ADK: variants seen among roughly 807,000 people sequenced by gnomAD.
The protein encoded by ADK is N6,N6-dimethyladenosine kinase.
Under a neutral mutation model 44.7 loss-of-function variants are expected in ADK, and 24 were observed. The ratio of observed to expected loss-of-function variants is 0.54; its 90% CI spans 0.39 to 0.76. The LOEUF (loss-of-function observed/expected upper bound fraction) is 0.76, where lower values mean the gene tolerates loss of function less well. Ranked by LOEUF, ADK falls within the 30% of genes least tolerant of loss-of-function variation. The probability of loss-of-function intolerance (pLI) is 0.00; values close to 1 mark genes in which losing one functional copy is unlikely to be tolerated. For missense variants in ADK, 321 were observed against 425.1 expected (o/e 0.76, Z 2.15); for synonymous variants, 128 against 142.6 (o/e 0.90, Z 0.73).
intron 6 of ADK, among the ~76,000 whole-genome samples, chr10:74,435,099 G>T (rs1845136770): frequency 6.6e-6 from 1 of 152,122 alleles, no homozygotes; most frequent in African/African-American, 2.4e-5. Flanking sequence ...AAGACTGTTG[G>T]GTGAGAGGGA....
chr10:74,275,146 T>A (rs751256668), intron 3 of ADK, among the ~76,000 whole-genome samples: 10 of 152,130 alleles, frequency 6.6e-5, no homozygotes, highest in Non-Finnish European at 1.2e-4. Flanking sequence ...GAAGTCTTTC[T>A]GGGCAGTAAT....
At chr10:74,392,413 G>A (rs970771157) in intron 4 of ADK, among the ~76,000 whole-genome samples, 2 of 152,104 alleles carry the variant, frequency 1.3e-5, no homozygotes, top group African/African-American at 4.8e-5. Flanking sequence ...GATTACTGAT[G>A]TTGAACATCT....
intron 6 of ADK, among the ~76,000 whole-genome samples, chr10:74,437,991 T>A (rs1013974865): frequency 1.3e-5 from 2 of 152,186 alleles, no homozygotes; most frequent in African/African-American, 4.8e-5. Flanking sequence ...GACTCATGTA[T>A]AACCTTCAAC....
chr10:74,338,438 T>C (rs948140149), intron 4 of ADK, among the ~76,000 whole-genome samples: 2 of 152,266 alleles, frequency 1.3e-5, no homozygotes, highest in East Asian at 1.9e-4. Context: ...AAAATGGAAA[T>C]TTATGTATAT....
At chr10:74,517,756 TAGAC>T (rs1165211162) in intron 6 of ADK, among the ~76,000 whole-genome samples, 1 of 151,784 alleles carries the variant, frequency 6.6e-6, no homozygotes, top group Non-Finnish European at 1.5e-5. Flanking sequence ...AGGAACCACA[TAGAC>T]AGGAAGAAGA....
At chr10:74,531,024 T>A (rs1259943331) in intron 7 of ADK, among the ~76,000 whole-genome samples, 3 of 152,018 alleles carry the variant, frequency 2.0e-5, no homozygotes, top group Non-Finnish European at 4.4e-5. Flanking sequence ...TGTTTGTAAG[T>A]TAAAAGTACC....
intron 3 of ADK, among the ~76,000 whole-genome samples, chr10:74,278,176 A>C (rs1027678964): frequency 1.7e-4 from 26 of 151,890 alleles, no homozygotes; most frequent in African/African-American, 6.3e-4. Context: ...CAATATGGCA[A>C]AACCCCATCT....
At chr10:74,661,713 T>G (rs2134171035) in intron 9 of ADK, among the ~76,000 whole-genome samples, 1 of 152,368 alleles carries the variant, frequency 6.6e-6, no homozygotes, top group South Asian at 2.1e-4. Flanking sequence ...ATTATCCACA[T>G]GTTTAAGACC....
At chr10:74,598,015 AATCTT>A (rs1203556000) in intron 8 of ADK, among the ~76,000 whole-genome samples, 1 of 152,190 alleles carries the variant, frequency 6.6e-6, no homozygotes, top group Non-Finnish European at 1.5e-5. Context: ...TTTGCCCACT[AATCTT>A]AGCATACTTA....
intron 6 of ADK, among the ~76,000 whole-genome samples, chr10:74,464,785 C>T (rs998107484): frequency 6.6e-6 from 1 of 151,526 alleles, no homozygotes; most frequent in Non-Finnish European, 1.5e-5. Flanking sequence ...CAGTTTGATG[C>T]TACAGTGAGC....
At chr10:74,353,407 G>C (rs1250245315) in intron 4 of ADK, among the ~76,000 whole-genome samples, 1 of 152,002 alleles carries the variant, frequency 6.6e-6, no homozygotes, top group African/African-American at 2.4e-5. Context: ...GGGCCAGCTG[G>C]TGGGTAGGGG....
Position 74,225,549 on chromosome 10 carries a change from T to C in ADK, c.194+958T>C, listed in dbSNP as rs1844503062. Among the ~76,000 whole-genome samples, 5 of 152,228 alleles carry C rather than the reference T, an allele frequency of 3.3e-5. No individual in the cohort carries two copies. The South Asian group carries it at 1.0e-3, about 32-fold the overall frequency. On this transcript the variant is annotated intron_variant, in intron 3 of 10. Coordinates refer to ENST00000539909, the MANE Select transcript of ADK (RefSeq NM_006721.4). ...TTTTTCCAAGTACTTTTAAACTGCT[T>C]TTTAAAAACTGTCTTGAACCTTTTG... is the stretch of plus-strand genomic sequence containing the variant.
intron 6 of ADK, among the ~76,000 whole-genome samples, chr10:74,408,738 CTATAA>C (rs1389647563): frequency 6.6e-6 from 1 of 151,954 alleles, no homozygotes; most frequent in East Asian, 1.9e-4. Flanking sequence ...AGAAAAAATG[CTATAA>C]TATCATATGG....
At position 74,178,896 on chromosome 10, in the gene ADK, G is replaced by A. The variant is rs148425621; in HGVS notation, c.66-21868G>A. 1.0e-3 allele frequency among the ~76,000 whole-genome samples: 154 copies of A among 152,196 alleles called. 2 individuals carry two copies. The highest frequency in any genetic ancestry group is 3.4e-3 in the African/African-American group (142 of 41,530). On this transcript the variant is annotated intron_variant, in intron 1 of 10. Coordinates refer to ENST00000539909, the MANE Select transcript of ADK (RefSeq NM_006721.4). ...GTTGAGTGCCTTGTGCAAAATCAGC[G>A]GCAAAATTAGGAATTGAATCCAGAT...
intron 3 of ADK, among the ~76,000 whole-genome samples, chr10:74,293,249 G>A (rs1839690771): frequency 6.6e-6 from 1 of 151,242 alleles, no homozygotes; most frequent in Admixed American, 6.6e-5. Context: ...CATTTAAGTG[G>A]CAGGTAGTTA....
chr10:74,536,112 CA>C (rs1022017502), intron 7 of ADK, among the ~76,000 whole-genome samples: 2 of 151,690 alleles, frequency 1.3e-5, no homozygotes, highest in African/African-American at 2.4e-5. Context: ...ACTGATGATT[CA>C]TTTTTTTTCC....
At chr10:74,177,561 A>G (rs147143662) in intron 1 of ADK, among the ~76,000 whole-genome samples, 6 of 152,278 alleles carry the variant, frequency 3.9e-5, no homozygotes, top group South Asian at 2.1e-4. Context: ...AGGACAGGAT[A>G]ATGGGCTTGT....
intron 6 of ADK, among the ~76,000 whole-genome samples, chr10:74,482,447 G>C (rs939538903): frequency 1.3e-5 from 2 of 152,130 alleles, no homozygotes; most frequent in African/African-American, 2.4e-5. Flanking sequence ...TGCAGCTTGG[G>C]TGGGGACACA....
intron 7 of ADK, 74 bp from the exon 8 acceptor site, chr10:74,589,208 A>G: frequency 7.5e-7 from 1 of 1,341,012 alleles, no homozygotes; most frequent in Non-Finnish European, 1.1e-6. Flanking sequence ...AGACTGAATG[A>G]GTTTCAAAAA....
Sources: allele counts gnomAD v4.1 joint callset (sites outside exome capture counted in the v4.1 genomes callset), GRCh38; gene constraint gnomAD v4.1.1; transcripts MANE v1.5; gene names NCBI Gene and HGNC (gene_info 2026-07-23, HGNC 2026-07-21).